Variants in OSGEPL1 observed in about 807,000 individuals in gnomAD.
OSGEPL1 encodes the protein O-sialoglycoprotein endopeptidase like 1, also known as tRNA N6-adenosine threonylcarbamoyltransferase, mitochondrial.
OSGEPL1 carries 26 observed loss-of-function variants against 37.2 expected under a neutral mutation model. The observed-to-expected ratio is 0.70, with a 90% CI of 0.51 to 0.97. OSGEPL1 has a LOEUF of 0.97. Among genes scored for constraint, OSGEPL1 ranks in the 50% least tolerant of loss-of-function variants. The probability of loss-of-function intolerance (pLI) is 0.00; values close to 1 mark genes in which losing one functional copy is unlikely to be tolerated. For synonymous variants in OSGEPL1, 140 were observed against 159.9 expected, an observed-to-expected ratio of 0.88 and a Z score of 0.94; for missense variants, 404 against 487.0, an observed-to-expected ratio of 0.83 and a Z score of 1.60.
chr2:189,751,453 T>G (rs1375681887), intron 7 of OSGEPL1, among the ~76,000 whole-genome samples: 1 of 150,750 alleles, frequency 6.6e-6, no homozygotes. Context: ...TGTTTTTTTT[T>G]TTTTTTTTTG....
chr2:189,761,545 T>C lies in OSGEPL1; in HGVS notation c.96A>G (p.Thr32=), dbSNP rs751186920. The C allele has an allele frequency of 6.2e-7, 1 of 1,610,222 alleles. No individual in the cohort carries two copies. Among genetic ancestry groups the C allele is most frequent in the South Asian group, 1.1e-5 (1 of 89,514 alleles). The stretch of plus-strand genomic sequence containing the variant: ...CCAATACTATTTTATGAAGAAATAG[T>C]GTTCCAGGATGAAAATTAAAACTTC... ...FLRSFNFHPG[T]LFLHKIVLGI... The change falls in exon 2 of 9, where the codon ACA becomes ACG. Residue 32 remains threonine (T), a synonymous_variant. Coordinates refer to ENST00000264151, the MANE Select transcript of OSGEPL1 (RefSeq NM_022353.3).
Position 189,754,169 on chromosome 2 carries a change from T to C in OSGEPL1, c.786A>G (p.Lys262=), listed in dbSNP as rs1458106577. 1.2e-6 allele frequency: 2 copies of C among 1,613,632 alleles called. No individual in the cohort carries two copies. The highest frequency in any genetic ancestry group is 2.7e-5 in the African/African-American group (2 of 74,926). The part of the protein sequence containing the change: ...SFTGLQHVTD[K]IIMKKEKEEG... ...CCTCTTTTTCCTTTTTCATTATTAT[T>C]TTATCAGTAACGTGTTGAAGTCCAG... The change falls in exon 4 of 9, where the codon AAA becomes AAG. Residue 262 remains lysine (K), a synonymous_variant. Transcript: ENST00000264151.
At chr2:189,754,873 A>G in intron 3 of OSGEPL1, 1 of 352,580 alleles carries the variant, frequency 2.8e-6, no homozygotes, top group Non-Finnish European at 5.1e-6. Flanking sequence ...TTTTTGCAGT[A>G]TGTTAGTTTA....
chr2:189,762,134 AAC>A (rs146407077), intron 1 of OSGEPL1, among the ~76,000 whole-genome samples: 5,119 of 152,288 alleles, frequency 0.034, 106 homozygotes, highest in Non-Finnish European at 0.05. Context: ...AGTTAACATA[AAC>A]ACACACACGC....
intron 2 of OSGEPL1, among the ~76,000 whole-genome samples, chr2:189,760,297 C>T (rs976553301): frequency 6.6e-6 from 1 of 152,124 alleles, no homozygotes; most frequent in Non-Finnish European, 1.5e-5. Context: ...GGGTGGCAGC[C>T]GGGCAGAGGG....
chr2:189,752,739 T>C lies in OSGEPL1; in HGVS notation c.1095-15A>G, dbSNP rs965394530. ...CAATACCATTCCTAAATAAGAAGCA[T>C]TAAAATAAAATCAATAGCTCCAAGA... On this transcript the variant is annotated splice_polypyrimidine_tract_variant and intron_variant, in intron 6 of 8. Coordinates refer to ENST00000264151, the MANE Select transcript of OSGEPL1 (RefSeq NM_022353.3). 3.7e-6 allele frequency: 6 copies of C among 1,613,722 alleles called. No homozygotes were observed. The Admixed American group carries it at 8.3e-5, about 22-fold the overall frequency.
In OSGEPL1 at chr2:189,754,066, T is replaced by C; in HGVS notation, c.815-2A>G. The C allele has an allele frequency of 6.2e-7, 1 of 1,612,662 alleles. No homozygotes were observed. On this transcript the variant is annotated splice_acceptor_variant, in intron 4 of 8. Transcript: ENST00000264151. LOFTEE classifies it high-confidence loss of function. ...ACAGGATTTGCCCCTTCTCAATACC[T>C]GCAGAAATGAGCAGCTATTTTTAGG...
intron 3 of OSGEPL1, 75 bp downstream of exon 3, chr2:189,755,098 G>A (rs979327756): frequency 2.0e-5 from 30 of 1,477,408 alleles, no homozygotes; most frequent in Admixed American, 9.2e-5. Flanking sequence ...GGTGAATGGT[G>A]GTAGCACATC....
upstream of OSGEPL1, chr2:189,763,047 A>AT (rs35618522): frequency 5.9e-3 from 5,686 of 966,540 alleles, 25 homozygotes; most frequent in Non-Finnish European, 6.2e-3. Flanking sequence ...TTAAAAAGAA[A>AT]TTTTTTTTTT....
At position 189,755,371 on chromosome 2, in the gene OSGEPL1, C is replaced by T; in HGVS notation, c.411G>A (p.Gln137=). ...GLSFSLQLVG[Q]LKKPFIPIHH... ...GAATGGGAATGAATGGCTTTTTTAA[C>T]TGTCCTACCAGCTGTAAGCTAAATG... is the stretch of plus-strand genomic sequence containing the variant. Residue 137 remains glutamine (Q), a synonymous_variant, in exon 3 of 9, where the codon CAG becomes CAA. Transcript: ENST00000264151. The T allele has an allele frequency of 6.2e-7, 1 of 1,613,616 alleles. No individual in the cohort carries two copies. The highest frequency in any genetic ancestry group is 8.5e-7 in the Non-Finnish European group (1 of 1,179,740).
At chr2:189,748,544 C>A (rs569381885) in intron 8 of OSGEPL1, among the ~76,000 whole-genome samples, 3 of 152,188 alleles carry the variant, frequency 2.0e-5, no homozygotes. Context: ...AAATAAGAGA[C>A]CTCTTTAATC....
rs1397109709 is a variant in OSGEPL1 at position 189,752,902 on chromosome 2, A to G, written c.1041T>C (p.Thr347=). ...LEILTNATQC[T]LLCPPPRLCT... The stretch of plus-strand genomic sequence containing the variant: ...ATAGTCTGGGAGGAGGACACAACAA[A>G]GTGCACTGTGTTGCATTTGTTAAAA... The change falls in exon 6 of 9, where the codon ACT becomes ACC. Residue 347 remains threonine (T), a synonymous_variant. Coordinates refer to ENST00000264151, the MANE Select transcript of OSGEPL1 (RefSeq NM_022353.3). 1 of 1,613,890 alleles carries G rather than the reference A, an allele frequency of 6.2e-7. No homozygotes were observed.
At chr2:189,763,101 G>A (rs1442397821), upstream of OSGEPL1, 1 of 985,062 alleles carries the variant, frequency 1.0e-6, no homozygotes, top group Non-Finnish European at 1.2e-6. Context: ...AAAGGATGGG[G>A]TAGATTATTC....
At chr2:189,763,036 A>G, upstream of OSGEPL1, 1 of 985,352 alleles carries the variant, frequency 1.0e-6, no homozygotes, top group South Asian at 4.7e-5. Context: ...ACTAAGCTAC[A>G]TTAAAAAGAA....
chr2:189,748,108 T>C (rs566824369), intron 8 of OSGEPL1, among the ~76,000 whole-genome samples: 1 of 152,204 alleles, frequency 6.6e-6, no homozygotes, highest in Non-Finnish European at 1.5e-5. Flanking sequence ...AAGTATATAT[T>C]AATTAGCGGT....
At chr2:189,752,508 C>T (rs984163053) in intron 7 of OSGEPL1, 145 bp downstream of exon 7, 1 of 751,534 alleles carries the variant, frequency 1.3e-6, no homozygotes, top group African/African-American at 1.8e-5. Context: ...TGGTATCAAC[C>T]TTAACTAGGT....
chr2:189,747,694 T>A (rs1174739365), intron 8 of OSGEPL1, among the ~76,000 whole-genome samples: 1 of 151,854 alleles, frequency 6.6e-6, no homozygotes, highest in Non-Finnish European at 1.5e-5. Flanking sequence ...CTTACTTACT[T>A]ATTTATTTAT....
At chr2:189,754,522 C>G (rs2045775558) in intron 3 of OSGEPL1, 177 bp from the exon 4 acceptor site, 1 of 589,860 alleles carries the variant, frequency 1.7e-6, no homozygotes, top group East Asian at 2.9e-5. Context: ...CAACCCTGTT[C>G]CTTATGATGA....
At chr2:189,758,031 G>C (rs750080509) in intron 2 of OSGEPL1, among the ~76,000 whole-genome samples, 2 of 152,138 alleles carry the variant, frequency 1.3e-5, no homozygotes, top group African/African-American at 4.8e-5. Context: ...TCATGGGGGC[G>C]TATTTTCCCC....
Sources: allele counts gnomAD v4.1 joint callset (sites outside exome capture counted in the v4.1 genomes callset), GRCh38; gene constraint gnomAD v4.1.1; transcripts MANE v1.5; gene names NCBI Gene and HGNC (gene_info 2026-07-23, HGNC 2026-07-21).